The following LCP1 variants were observed in gnomAD, a reference collection of about 807,000 sequenced individuals.
LCP1 encodes plastin-2.
Under a neutral mutation model 72.0 loss-of-function variants are expected in LCP1, and 23 were observed. The observed-to-expected ratio is 0.32, with a 90% CI of 0.23 to 0.45. The LOEUF is 0.45. Ranked by LOEUF, LCP1 falls within the 20% of genes least tolerant of loss-of-function variation. LCP1 has a pLI of 1.00. For missense variants in LCP1, 571 were observed against 748.3 expected (o/e 0.76, Z 2.76); for synonymous variants, 245 against 275.4 (o/e 0.89, Z 1.09).
At chr13:46,155,452 C>T (rs1320040701) in intron 5 of LCP1, among the ~76,000 whole-genome samples, 2 of 152,058 alleles carry the variant, frequency 1.3e-5, no homozygotes, top group Admixed American at 6.5e-5. Flanking sequence ...TGGGTGGCAA[C>T]CTAAAAGCTA....
chr13:46,158,416 A>C, intron 4 of LCP1, 106 bp downstream of exon 4: 1 of 1,318,264 alleles, frequency 7.6e-7, no homozygotes, highest in Non-Finnish European at 1.0e-6. Flanking sequence ...GGAGTCATCC[A>C]TAAAGCTGTG....
At chr13:46,151,883 G>T (rs1330664589) in intron 7 of LCP1, among the ~76,000 whole-genome samples, 2 of 152,202 alleles carry the variant, frequency 1.3e-5, no homozygotes, top group African/African-American at 2.4e-5. Context: ...ATCAAGGTGG[G>T]CTACCTCTGT....
chr13:46,174,314 A>T lies in LCP1; in HGVS notation c.-25+7797T>A, dbSNP rs74074055. Among the ~76,000 whole-genome samples, 1,400 of 145,818 alleles carry T rather than the reference A, an allele frequency of 9.6e-3. 20 individuals carry two copies. The highest frequency in any genetic ancestry group is 0.033 in the African/African-American group (1,309 of 39,754). On this transcript the variant is annotated intron_variant, in intron 1 of 15. Coordinates refer to ENST00000323076, the MANE Select transcript of LCP1 (RefSeq NM_002298.5). The stretch of plus-strand genomic sequence containing the variant: ...GCTCTCTTTATCTTCATTTTTTTTA[A>T]AAGTTACAGTTTAGTTGGTAAATAT...
rs2045820264 is a variant in LCP1 at position 46,158,878 on chromosome 13, G to A, written c.176C>T (p.Ala59Val). ...TCCATCTTGGTCCAGATCACCTGTAGCCATCAGGTTTTCTGTAATTTCTCG... is the reference window on the plus strand; with the variant it reads ...TCCATCTTGGTCCAGATCACCTGTAACCATCAGGTTTTCTGTAATTTCTCG... Reference protein sequence around the residue: ...RVREITENLMATGDLDQDGRI... With the variant: ...RVREITENLMVTGDLDQDGRI... Residue 59 changes from alanine to valine, a missense_variant, in exon 3 of 16, where the codon GCT (alanine) becomes GTT (valine). Transcript: ENST00000323076. The A allele has an allele frequency of 1.2e-6, 2 of 1,614,028 alleles. No individual in the cohort carries two copies. The highest frequency in any genetic ancestry group is 3.3e-5 in the Admixed American group (2 of 59,996).
intron 13 of LCP1, among the ~76,000 whole-genome samples, chr13:46,134,781 T>C (rs1485988495): frequency 6.6e-6 from 1 of 151,796 alleles, no homozygotes; most frequent in East Asian, 1.9e-4. Context: ...TTTGGAGGGG[T>C]TGGGGGACAT....
intron 15 of LCP1, among the ~76,000 whole-genome samples, chr13:46,130,230 T>C (rs1390218148): frequency 6.6e-6 from 1 of 152,264 alleles, no homozygotes. Context: ...GGTAAACATC[T>C]TAGGCTTTGT....
chr13:46,156,102 T>A (rs1359594352), intron 5 of LCP1, among the ~76,000 whole-genome samples: 4 of 152,238 alleles, frequency 2.6e-5, no homozygotes, highest in Non-Finnish European at 5.9e-5. Flanking sequence ...CTATAGTCAT[T>A]ATTTAATCAG....
intron 10 of LCP1, among the ~76,000 whole-genome samples, chr13:46,144,908 C>T (rs1233859109): frequency 6.6e-6 from 1 of 152,108 alleles, no homozygotes; most frequent in Non-Finnish European, 1.5e-5. Context: ...ACAGTATGGA[C>T]TGAACTTGGA....
At chr13:46,176,459 G>A (rs772852514) in intron 1 of LCP1, among the ~76,000 whole-genome samples, 11 of 152,140 alleles carry the variant, frequency 7.2e-5, no homozygotes, top group African/African-American at 2.2e-4. Flanking sequence ...TTGCACCTGA[G>A]GTTAATAAAG....
intron 5 of LCP1, among the ~76,000 whole-genome samples, chr13:46,155,985 A>G (rs1593955462): frequency 6.6e-6 from 1 of 152,202 alleles, no homozygotes; most frequent in African/African-American, 2.4e-5. Context: ...ATTATAGAAG[A>G]GACTATCTAT....
rs71074757 is a variant in LCP1, at chr13:46,135,743, CTT to C, written c.1503-1495_1503-1494del. Among the ~76,000 whole-genome samples, 1,079 of 130,524 alleles carry C rather than the reference CTT, an allele frequency of 8.3e-3. 8 individuals are homozygous for C. The highest frequency in any genetic ancestry group is 8.4e-3 in the African/African-American group (291 of 34,758). The allele number at this position is 130,524 out of a possible 152,430, so 85.6% of individuals were successfully genotyped here. On this transcript the variant is annotated intron_variant, in intron 13 of 15. Transcript: ENST00000323076. ...TTTCTGAAGTACAGTTCTGGTCTGT[CTT>C]TTTTTTTTTTTTTTTTTTAAGAGAT...
Position 46,138,678 on chromosome 13 carries a change from G to A in LCP1, c.1502+3614C>T, listed in dbSNP as rs937877220. ...TTGTTTTTTTCTGAGACAGAGTCTCGCTCCGTCACCCAGGCTGGAGTGCAG... is the reference window on the plus strand; with the variant it reads ...TTGTTTTTTTCTGAGACAGAGTCTCACTCCGTCACCCAGGCTGGAGTGCAG... On this transcript the variant is annotated intron_variant, in intron 13 of 15. Coordinates refer to ENST00000323076, the MANE Select transcript of LCP1 (RefSeq NM_002298.5). Among the ~76,000 whole-genome samples, 15 of 152,174 alleles carry A rather than the reference G, an allele frequency of 9.9e-5. No individual in the cohort carries two copies. The East Asian group carries it at 2.3e-3, about 24-fold the overall frequency.
chr13:46,139,358 T>G (rs1797348968), intron 13 of LCP1, among the ~76,000 whole-genome samples: 1 of 152,242 alleles, frequency 6.6e-6, no homozygotes, highest in Admixed American at 6.5e-5. Flanking sequence ...AAATCTTTTA[T>G]GATCACTTCT....
intron 1 of LCP1, among the ~76,000 whole-genome samples, chr13:46,177,826 A>G (rs903895998): frequency 3.3e-5 from 5 of 152,166 alleles, no homozygotes; most frequent in Non-Finnish European, 7.4e-5. Flanking sequence ...AGTCAAGTGT[A>G]CAGAGGGGCT....
At chr13:46,177,820 A>G (rs145401595) in intron 1 of LCP1, among the ~76,000 whole-genome samples, 1 of 152,254 alleles carries the variant, frequency 6.6e-6, no homozygotes, top group East Asian at 1.9e-4. Flanking sequence ...CTACTCAGTC[A>G]AGTGTACAGA....
intron 15 of LCP1, among the ~76,000 whole-genome samples, chr13:46,128,412 C>T (rs1299809898): frequency 6.6e-6 from 1 of 152,220 alleles, no homozygotes; most frequent in East Asian, 1.9e-4. Flanking sequence ...TCCTGGCCAA[C>T]ATGGTGAAAC....
At chr13:46,165,603 A>G (rs1191004139) in intron 1 of LCP1, among the ~76,000 whole-genome samples, 1 of 152,192 alleles carries the variant, frequency 6.6e-6, no homozygotes, top group Admixed American at 6.5e-5. Flanking sequence ...GAAAGCATGT[A>G]TCTTCCAAGG....
At chr13:46,162,207 C>G (rs960474584) in intron 1 of LCP1, among the ~76,000 whole-genome samples, 2 of 151,606 alleles carry the variant, frequency 1.3e-5, no homozygotes, top group Non-Finnish European at 2.9e-5. Flanking sequence ...AGACACACAT[C>G]CCATCCATCC....
At chr13:46,163,628 TCAA>T (rs2045859480) in intron 1 of LCP1, among the ~76,000 whole-genome samples, 1 of 117,790 alleles carries the variant, frequency 8.5e-6, no homozygotes, top group Non-Finnish European at 1.7e-5. Context: ...CCAAGAATGA[TCAA>T]TTAAAAAAAA....
Sources: allele counts gnomAD v4.1 joint callset (sites outside exome capture counted in the v4.1 genomes callset), GRCh38; gene constraint gnomAD v4.1.1; transcripts MANE v1.5; gene names NCBI Gene and HGNC (gene_info 2026-07-23, HGNC 2026-07-21).